The following ARID1B variants were observed in gnomAD, a reference collection of about 807,000 sequenced individuals.
The protein encoded by ARID1B is AT-rich interactive domain-containing protein 1B.
Under a neutral mutation model 212.3 loss-of-function variants are expected in ARID1B, and 30 were observed. That is an observed-to-expected ratio of 0.14 (90% confidence interval 0.11 to 0.19). ARID1B has a LOEUF of 0.19. Among genes scored for constraint, ARID1B ranks in the 10% least tolerant of loss-of-function variants. ARID1B has a pLI of 1.00. For missense variants in ARID1B, 2,891 were observed against 3,204.0 expected (o/e 0.90, Z 2.36); for synonymous variants, 1,402 against 1,301.7 (o/e 1.08, Z -1.66).
Position 156,778,211 on chromosome 6 carries a change from CCACCAT to C in ARID1B, c.532_537del (p.His178_His179del). 2 of 1,539,942 alleles carry C rather than the reference CCACCAT, an allele frequency of 1.3e-6. No homozygotes were observed. Among genetic ancestry groups the C allele is most frequent in the Non-Finnish European group, 8.7e-7 (1 of 1,146,276 alleles). On this transcript the variant is annotated inframe_deletion, in exon 1 of 20. Transcript: ENST00000636930. ...ACCACCACCATGCCCACCACCACCA[CCACCAT>C]GCCCACCACCTCCACCACCACCACG...
At chr6:157,100,546 G>T (rs982002898) in intron 5 of ARID1B, among the ~76,000 whole-genome samples, 56 of 152,212 alleles carry the variant, frequency 3.7e-4, no homozygotes, top group African/African-American at 1.3e-3. Context: ...AGGATGCTAT[G>T]TCTAAATAAC....
chr6:157,175,380 TAGC>T (rs1191696771), intron 11 of ARID1B: 1 of 152,586 alleles, frequency 6.6e-6, no homozygotes, highest in Non-Finnish European at 1.5e-5. Context: ...TGGGAACTAA[TAGC>T]AGCCATTGAC....
chr6:157,038,043 T>A (rs1250104842), intron 4 of ARID1B, among the ~76,000 whole-genome samples: 1 of 152,262 alleles, frequency 6.6e-6, no homozygotes, highest in Non-Finnish European at 1.5e-5. Context: ...CCTGATAATT[T>A]TTAAATTTGT....
At chr6:156,898,600 G>C (rs1185644536) in intron 2 of ARID1B, among the ~76,000 whole-genome samples, 1 of 152,192 alleles carries the variant, frequency 6.6e-6, no homozygotes. Context: ...AGTTTCAGAA[G>C]TCTGAACAGC....
intron 4 of ARID1B, among the ~76,000 whole-genome samples, chr6:157,025,260 T>C (rs1045686503): frequency 2.0e-5 from 3 of 152,200 alleles, no homozygotes; most frequent in African/African-American, 4.8e-5. Context: ...CGGTGGAAAC[T>C]AAAGGAATTT....
At position 156,862,475 on chromosome 6, in the gene ARID1B, G is replaced by A. The variant is rs116001080; in HGVS notation, c.1986+33054G>A. Among the ~76,000 whole-genome samples the A allele has an allele frequency of 9.5e-3, 1,443 of 152,274 alleles. 22 individuals are homozygous for A. Among genetic ancestry groups the A allele is most frequent in the African/African-American group, 0.031 (1,308 of 41,534 alleles). ...AGAGGGCACAGTGAGAAAGTAAGAC[G>A]AAGGCAGAACAGTAAGAGAAAAAAA... On this transcript the variant is annotated intron_variant, in intron 2 of 19. Transcript: ENST00000636930.
intron 2 of ARID1B, among the ~76,000 whole-genome samples, chr6:156,833,699 A>C (rs1783300652): frequency 6.6e-6 from 1 of 152,232 alleles, no homozygotes; most frequent in Non-Finnish European, 1.5e-5. Flanking sequence ...GCAAAATTAA[A>C]TATAAACTAA....
chr6:156,911,851 A>G (rs1789917284), intron 3 of ARID1B, among the ~76,000 whole-genome samples: 2 of 152,216 alleles, frequency 1.3e-5, no homozygotes, highest in Admixed American at 1.3e-4. Context: ...GCAGGCATAG[A>G]ATCCATGGGA....
chr6:156,834,134 G>C (rs1783333990), intron 2 of ARID1B, among the ~76,000 whole-genome samples: 1 of 152,202 alleles, frequency 6.6e-6, no homozygotes, highest in South Asian at 2.1e-4. Flanking sequence ...TGAAAAGTAA[G>C]GATGAATGGG....
intron 3 of ARID1B, among the ~76,000 whole-genome samples, chr6:156,914,579 C>T (rs1243275436): frequency 6.6e-6 from 1 of 152,204 alleles, no homozygotes; most frequent in Non-Finnish European, 1.5e-5. Context: ...GCTCTACCCA[C>T]CTTACCTGTA....
At chr6:156,849,499 A>G (rs924353385) in intron 2 of ARID1B, among the ~76,000 whole-genome samples, 2 of 152,234 alleles carry the variant, frequency 1.3e-5, no homozygotes, top group Admixed American at 6.5e-5. Context: ...AATATTAAAT[A>G]GCAGAATGTT....
chr6:157,037,329 G>A (rs1053414064), intron 4 of ARID1B, among the ~76,000 whole-genome samples: 2 of 152,142 alleles, frequency 1.3e-5, no homozygotes, highest in South Asian at 4.1e-4. Flanking sequence ...TTCCCGTGAG[G>A]ACCTCATGAC....
At chr6:157,034,061 A>C (rs1050786030) in intron 4 of ARID1B, among the ~76,000 whole-genome samples, 13 of 152,124 alleles carry the variant, frequency 8.5e-5, no homozygotes, top group African/African-American at 2.9e-4. Context: ...TAAACCTGTG[A>C]CTTTTTTTTT....
At chr6:156,956,608 C>T (rs888810620) in intron 4 of ARID1B, among the ~76,000 whole-genome samples, 1 of 152,150 alleles carries the variant, frequency 6.6e-6, no homozygotes, top group Non-Finnish European at 1.5e-5. Context: ...TCTTAGTCCA[C>T]TGATATCTTA....
chr6:156,959,245 G>A (rs962058720), intron 4 of ARID1B, among the ~76,000 whole-genome samples: 1 of 152,160 alleles, frequency 6.6e-6, no homozygotes, highest in Admixed American at 6.5e-5. Flanking sequence ...GGACCCCCAC[G>A]AGTACCAAAA....
chr6:157,079,331 C>T (rs1784493416), intron 4 of ARID1B, among the ~76,000 whole-genome samples: 1 of 152,168 alleles, frequency 6.6e-6, no homozygotes, highest in Non-Finnish European at 1.5e-5. Context: ...TGGACATAAA[C>T]ACTATTACAA....
At chr6:156,890,323 G>T (rs966934773) in intron 2 of ARID1B, among the ~76,000 whole-genome samples, 1 of 152,182 alleles carries the variant, frequency 6.6e-6, no homozygotes, top group Non-Finnish European at 1.5e-5. Context: ...GTATGTGTAT[G>T]TCTTTATAAT....
intron 4 of ARID1B, among the ~76,000 whole-genome samples, chr6:156,951,281 A>G (rs1793565404): frequency 6.6e-6 from 1 of 152,208 alleles, no homozygotes; most frequent in African/African-American, 2.4e-5. Context: ...AGCGGATTAC[A>G]AATTCTTAAA....
At position 157,203,983 on chromosome 6, in the gene ARID1B, T is replaced by G; in HGVS notation, c.5381T>G (p.Phe1794Cys). 6.2e-7 allele frequency: 1 copy of G among 1,614,084 alleles called. No homozygotes were observed. The highest frequency in any genetic ancestry group is 8.5e-7 in the Non-Finnish European group (1 of 1,179,960). Residue 1794 changes from phenylalanine to cysteine, a missense_variant, in exon 19 of 20, where the codon TTC becomes TGC. By Grantham distance (205) the Phe-to-Cys change is radical (BLOSUM62 -2). Around this residue, in one of 7 missense-constraint regions of ARID1B, gnomAD observed 332 missense variants for 369.2 expected, o/e 0.90. Transcript: ENST00000636930. This position sits in a 1 kb window ranked among gnomAD's most constrained non-coding sequence, Gnocchi z 4.4. ...LLYDDSTVAT[F>C]NLSQLSGFLE... Reference sequence around the variant, plus strand: ...TATGATGACAGCACTGTTGCTACTTTCAATCTCTCCCAGGTAAGCCAGCAT... The same window carrying G: ...TATGATGACAGCACTGTTGCTACTTGCAATCTCTCCCAGGTAAGCCAGCAT...
Sources: gnomAD v4.1 joint callset for allele counts (sites outside exome capture counted in the v4.1 genomes callset) on GRCh38, gnomAD v4.1.1 for gene constraint, gnomAD v4.1.1 regional missense constraint, Gnocchi (gnomAD v3.1) non-coding constraint, MANE v1.5 for transcripts, NCBI Gene and HGNC (gene_info 2026-07-23, HGNC 2026-07-21) for gene names.